Variants in DUOX1 observed in about 807,000 individuals in gnomAD.
DUOX1 encodes the protein NADPH thyroid oxidase 1.
Under a neutral mutation model 181.8 loss-of-function variants are expected in DUOX1, and 134 were observed. That is an observed-to-expected ratio of 0.74 (90% CI 0.64 to 0.85). The LOEUF (loss-of-function observed/expected upper bound fraction) is 0.85, where lower values mean the gene tolerates loss of function less well. Ranked by LOEUF, DUOX1 falls within the 40% of genes least tolerant of loss-of-function variation. The probability of loss-of-function intolerance (pLI) is 0.00; values close to 1 mark genes in which losing one functional copy is unlikely to be tolerated. For synonymous variants in DUOX1, 798 were observed against 832.5 expected, an observed-to-expected ratio of 0.96 and a Z score of 0.71; for missense variants, 1,814 against 2,064.4, an observed-to-expected ratio of 0.88 and a Z score of 2.35.
At position 45,163,564 on chromosome 15, in the gene DUOX1, T is replaced by A; in HGVS notation, c.4281T>A (p.Arg1427=). ...IYFIWVTRTQ[R]QFEWLADIIR... is the part of the protein sequence containing the mutation. ...TCATCTGGGTGACGCGGACCCAGCG[T>A]CAGTTTGAGTGGCTGGCTGACATCA... Residue 1427 remains arginine (R), a synonymous_variant, in exon 32 of 34, where the codon CGT becomes CGA. Coordinates refer to ENST00000389037, the MANE Select transcript of DUOX1 (RefSeq NM_175940.3). The A allele has an allele frequency of 6.2e-7, 1 of 1,614,018 alleles. No homozygotes were observed. Among genetic ancestry groups the A allele is most frequent in the Non-Finnish European group, 8.5e-7 (1 of 1,179,998 alleles).
At chr15:45,149,137 T>C (rs998902263) in intron 21 of DUOX1, among the ~76,000 whole-genome samples, 1 of 152,124 alleles carries the variant, frequency 6.6e-6, no homozygotes, top group Non-Finnish European at 1.5e-5. Context: ...TCTTTGCATC[T>C]TAGGACTCTC....
chr15:45,136,371 C>G lies in DUOX1; in HGVS notation c.886C>G (p.Leu296Val). Residue 296 changes from leucine (L) to valine (V), a missense_variant, in exon 8 of 34, where the codon CTG (leucine) becomes GTG (valine). This residue lies in a region of DUOX1 where 1,064 missense variants were observed against 1,152.9 expected (regional missense o/e 0.92). Transcript: ENST00000389037. The stretch of plus-strand genomic sequence containing the variant: ...TCAGAACATCGCTGTGTATGAGTGG[C>G]TGCCCAGCTTCCTGCAGAAAACACT... ...TYQNIAVYEW[L>V]PSFLQKTLPE... is the part of the protein sequence containing the mutation. 1 of 1,613,948 alleles carries G rather than the reference C, an allele frequency of 6.2e-7. No homozygotes were observed. Among genetic ancestry groups the G allele is most frequent in the Non-Finnish European group, 8.5e-7 (1 of 1,180,034 alleles).
intron 17 of DUOX1, 105 bp downstream of exon 17, chr15:45,144,340 C>A: frequency 8.0e-7 from 1 of 1,252,060 alleles, no homozygotes. Flanking sequence ...ATGATAGTTA[C>A]TGTGCAGGAG....
intron 29 of DUOX1, 111 bp from the exon 30 acceptor site, chr15:45,161,627 T>C: frequency 1.0e-6 from 1 of 974,082 alleles, no homozygotes; most frequent in Non-Finnish European, 1.5e-6. Context: ...GGGGGAGGCC[T>C]CCTTTGTCAT....
At chr15:45,147,686 G>C (rs376479106) in intron 19 of DUOX1, 28 bp downstream of exon 19, 13 of 1,612,786 alleles carry the variant, frequency 8.1e-6, no homozygotes, top group Non-Finnish European at 1.1e-5. Context: ...GATAGGAGAG[G>C]CTGGACAGGG....
Position 45,164,824 on chromosome 15 carries a change from A to G in DUOX1, c.4579A>G (p.Lys1527Glu). 6.2e-7 allele frequency: 1 copy of G among 1,614,152 alleles called. No homozygotes were observed. The highest frequency in any genetic ancestry group is 1.1e-5 in the South Asian group (1 of 91,078). The change falls in exon 34 of 34, where the codon AAG (lysine) becomes GAG (glutamate). Residue 1527 changes from lysine to glutamate, a missense_variant. Lys to Glu is a moderately conservative substitution (Grantham distance 56, BLOSUM62 1). Transcript: ENST00000389037. ...VFSCGPPGMT[K>E]NVEKACQLIN... ...TAGCTGTGGCCCCCCTGGCATGACC[A>G]AGAATGTGGAAAAGGCCTGTCAGCT...
At chr15:45,140,143 C>A in intron 12 of DUOX1, 2 of 939,854 alleles carry the variant, frequency 2.1e-6, no homozygotes, top group Non-Finnish European at 1.6e-6. Flanking sequence ...TCCTGTTCAG[C>A]TGCTAGCCAA....
At chr15:45,156,780 C>A (rs1419888744) in intron 28 of DUOX1, among the ~76,000 whole-genome samples, 1 of 152,160 alleles carries the variant, frequency 6.6e-6, no homozygotes, top group Non-Finnish European at 1.5e-5. Flanking sequence ...TTCTCCTTAA[C>A]CTTGGCTCCT....
At chr15:45,154,936 C>CT (rs1211013258) in intron 27 of DUOX1, among the ~76,000 whole-genome samples, 1 of 152,214 alleles carries the variant, frequency 6.6e-6, no homozygotes, top group Non-Finnish European at 1.5e-5. Flanking sequence ...CTTGGGGACC[C>CT]TAGTGATGAG....
intron 1 of DUOX1, among the ~76,000 whole-genome samples, chr15:45,131,254 G>A (rs1896135657): frequency 1.3e-5 from 2 of 152,152 alleles, no homozygotes; most frequent in Non-Finnish European, 2.9e-5. Flanking sequence ...GTTGACTCTG[G>A]GTGGAGAGAG....
At chr15:45,161,117 A>G (rs924473582) in intron 29 of DUOX1, 127 bp downstream of exon 29, 19 of 1,427,872 alleles carry the variant, frequency 1.3e-5, no homozygotes, top group Non-Finnish European at 1.7e-5. Context: ...TGGCAGGGAC[A>G]AAGGAGCTGG....
Position 45,160,954 on chromosome 15 carries a change from G to T in DUOX1, c.3820G>T (p.Glu1274Ter), listed in dbSNP as rs758103896. 7.4e-6 allele frequency: 12 copies of T among 1,614,006 alleles called. No homozygotes were observed. The highest frequency in any genetic ancestry group is 1.0e-5 in the Non-Finnish European group (12 of 1,180,012). The change falls in exon 29 of 34, where the codon GAG (glutamate) becomes TAG (stop). Residue 1274 changes from glutamate (E) to a stop codon, truncating the protein, a stop_gained. Coordinates refer to ENST00000389037, the MANE Select transcript of DUOX1 (RefSeq NM_175940.3). LOFTEE classifies it high-confidence loss of function. ...GGTGAGCCTGAGCCGGAAGAAGGTG[G>T]AGATCAGCGTGGTGAAGGCGGAGCT... ...KLVSLSRKKV[E>*]ISVVKAELLP... is the part of the protein sequence containing the mutation.
intron 28 of DUOX1, among the ~76,000 whole-genome samples, chr15:45,157,799 A>G (rs1896999790): frequency 6.7e-6 from 1 of 149,026 alleles, no homozygotes; most frequent in Non-Finnish European, 1.5e-5. Flanking sequence ...ACCCTGGGCA[A>G]CAGATGGACA....
At chr15:45,140,720 A>C (rs1896467089) in intron 12 of DUOX1, 175 bp from the exon 13 acceptor site, 2 of 575,946 alleles carry the variant, frequency 3.5e-6, no homozygotes, top group African/African-American at 3.7e-5. Context: ...AATGGAGTTC[A>C]CTTATGTAAA....
chr15:45,147,823 T>C (rs991563355), intron 19 of DUOX1, 81 bp from the exon 20 acceptor site: 2 of 1,501,154 alleles, frequency 1.3e-6, no homozygotes, highest in Non-Finnish European at 1.9e-6. Flanking sequence ...GTCATCACAC[T>C]GGTGTGAGGC....
chr15:45,135,488 G>C lies in DUOX1; in HGVS notation c.510G>C (p.Thr170=), dbSNP rs757533932. 8.4e-6 allele frequency: 13 copies of C among 1,554,592 alleles called. No homozygotes were observed. Among genetic ancestry groups the C allele is most frequent in the South Asian group, 3.6e-5 (3 of 84,474 alleles). Residue 170 remains threonine, a synonymous_variant, in exon 6 of 34, where the codon ACG becomes ACC. Coordinates refer to ENST00000389037, the MANE Select transcript of DUOX1 (RefSeq NM_175940.3). ...SNPRDPANQV[T]GWLDGSAIYG... ...GTGCCCCGCAGGCCAACCAGGTGAC[G>C]GGCTGGCTGGACGGCAGCGCCATCT...
In DUOX1 at chr15:45,164,662, G is replaced by C. The variant is rs1300563163; in HGVS notation, c.4534-117G>C. 3 of 1,097,902 alleles carry C rather than the reference G, an allele frequency of 2.7e-6. No individual in the cohort carries two copies. The African/African-American group carries it at 4.7e-5, about 17-fold the overall frequency. The allele number at this position is 1,097,902 out of a possible 1,614,324, so 68.0% of individuals were successfully genotyped here. A position where few individuals can be genotyped will look rare whatever the true frequency, so the allele number is the denominator to read the frequency against. ...TAAAAATAAAAAAATTAGAGTCAGG[G>C]ATGTTGCTATGTTGCCCAGGCTGGT... On this transcript the variant is annotated intron_variant, in intron 33 of 33. Coordinates refer to ENST00000389037, the MANE Select transcript of DUOX1 (RefSeq NM_175940.3).
At chr15:45,150,838 G>A in intron 22 of DUOX1, 137 bp downstream of exon 22, 2 of 880,740 alleles carry the variant, frequency 2.3e-6, no homozygotes, top group East Asian at 5.3e-5. Flanking sequence ...CCTTTCTCTA[G>A]GCAGACACAG....
intron 12 of DUOX1, chr15:45,140,137 G>T: frequency 1.0e-6 from 1 of 986,512 alleles, no homozygotes; most frequent in Non-Finnish European, 1.5e-6. Flanking sequence ...CAGGGGTCCT[G>T]TTCAGCTGCT....
Sources: allele counts gnomAD v4.1 joint callset (sites outside exome capture counted in the v4.1 genomes callset), GRCh38; gene constraint gnomAD v4.1.1; regional missense constraint gnomAD v4.1.1; transcripts MANE v1.5; gene names NCBI Gene and HGNC (gene_info 2026-07-23, HGNC 2026-07-21).